Variants in FBXL7 observed in about 807,000 individuals in gnomAD.
The protein encoded by FBXL7 is F-box and leucine rich repeat protein 7, also known as F-box/LRR-repeat protein 7.
Under a neutral mutation model 38.3 loss-of-function variants are expected in FBXL7, and 12 were observed. That is an observed-to-expected ratio of 0.31 (90% CI 0.20 to 0.51). The LOEUF is 0.51. FBXL7 is among the 20% of genes least tolerant of loss of function. FBXL7 has a pLI of 0.98. For synonymous variants in FBXL7, 297 were observed against 300.9 expected (o/e 0.99, Z 0.13); for missense variants, 567 against 676.4 (o/e 0.84, Z 1.79).
intron 2 of FBXL7, among the ~76,000 whole-genome samples, chr5:15,639,389 A>T (rs1296012573): frequency 2.0e-5 from 3 of 152,188 alleles, no homozygotes; most frequent in Non-Finnish European, 4.4e-5. Context: ...GGTCTTTCCC[A>T]TGCTGTTCTT....
At chr5:15,869,540 T>C (rs561300354) in intron 2 of FBXL7, among the ~76,000 whole-genome samples, 1 of 152,286 alleles carries the variant, frequency 6.6e-6, no homozygotes, top group African/African-American at 2.4e-5. Context: ...ATATAGAATT[T>C]ACTAATTTGT....
At chr5:15,503,147 G>T (rs867257138) in intron 1 of FBXL7, among the ~76,000 whole-genome samples, 1 of 152,290 alleles carries the variant, frequency 6.6e-6, no homozygotes, top group African/African-American at 2.4e-5. Flanking sequence ...GAGGTCGGGC[G>T]CGGTGGCCCA....
At chr5:15,642,631 A>G (rs1174724857) in intron 2 of FBXL7, among the ~76,000 whole-genome samples, 1 of 152,224 alleles carries the variant, frequency 6.6e-6, no homozygotes, top group Non-Finnish European at 1.5e-5. Flanking sequence ...GGATTGCTCT[A>G]GACTCAGTGG....
At chr5:15,561,414 A>G (rs1037085608) in intron 1 of FBXL7, among the ~76,000 whole-genome samples, 1 of 152,110 alleles carries the variant, frequency 6.6e-6, no homozygotes, top group African/African-American at 2.4e-5. Context: ...TTAAGGCTGA[A>G]TCGTATTCCG....
intron 1 of FBXL7, among the ~76,000 whole-genome samples, chr5:15,585,438 C>G (rs2126473116): frequency 6.6e-6 from 1 of 152,294 alleles, no homozygotes; most frequent in African/African-American, 2.4e-5. Flanking sequence ...TAACACACCT[C>G]AAAGGTATTT....
chr5:15,535,476 A>G (rs1384350334), intron 1 of FBXL7, among the ~76,000 whole-genome samples: 2 of 152,210 alleles, frequency 1.3e-5, no homozygotes, highest in African/African-American at 4.8e-5. Context: ...GAGATGAGGA[A>G]CTTATTGTGA....
rs138917219 is a variant in FBXL7, at chr5:15,654,722, G to A, written c.127+38650G>A. ...CCTCCTGTAGCACTGAACTATGAGA[G>A]ATATTGTCCAACATTTTTGGTGGTT... On this transcript the variant is annotated intron_variant, in intron 2 of 3. Transcript: ENST00000504595. Among the ~76,000 whole-genome samples, 3 of 152,164 alleles carry A rather than the reference G, an allele frequency of 2.0e-5. No homozygotes were observed. In the East Asian group the frequency reaches 5.8e-4, roughly 29 times the overall value.
intron 2 of FBXL7, among the ~76,000 whole-genome samples, chr5:15,861,395 C>A (rs1219592888): frequency 6.6e-6 from 1 of 152,230 alleles, no homozygotes; most frequent in Non-Finnish European, 1.5e-5. Flanking sequence ...CTCTCTTGCT[C>A]AGCCACCTAT....
chr5:15,812,520 A>T (rs1019463794), intron 2 of FBXL7, among the ~76,000 whole-genome samples: 4 of 152,206 alleles, frequency 2.6e-5, no homozygotes, highest in East Asian at 1.9e-4. Context: ...AAAAAATTTT[A>T]AAAATTACTG....
At chr5:15,854,883 CA>C (rs749107781) in intron 2 of FBXL7, among the ~76,000 whole-genome samples, 71 of 151,408 alleles carry the variant, frequency 4.7e-4, no homozygotes, top group African/African-American at 1.6e-3. Flanking sequence ...TCAGTCAAAC[CA>C]AAAAAAACAG....
chr5:15,503,379 C>A (rs567918615), intron 1 of FBXL7, among the ~76,000 whole-genome samples: 255 of 152,270 alleles, frequency 1.7e-3, no homozygotes, highest in Non-Finnish European at 2.6e-3. Flanking sequence ...TGAGATCACG[C>A]AACTGCACTC....
At chr5:15,632,511 A>G (rs891854837) in intron 2 of FBXL7, among the ~76,000 whole-genome samples, 13 of 152,166 alleles carry the variant, frequency 8.5e-5, no homozygotes, top group Non-Finnish European at 1.8e-4. Flanking sequence ...CGACTCAGCA[A>G]TCCCATTACT....
chr5:15,562,896 A>G (rs903799096), intron 1 of FBXL7, among the ~76,000 whole-genome samples: 7 of 152,172 alleles, frequency 4.6e-5, no homozygotes, highest in African/African-American at 1.4e-4. Context: ...AATTATTACA[A>G]TATTCATACA....
At position 15,928,853 on chromosome 5, in the gene FBXL7, C is replaced by T. The variant is rs1303721681; in HGVS notation, c.739+352C>T. Reference sequence around the variant, plus strand: ...ACATTAGGTGTATCTCCACTTCTTACGGGAGTTCTTAGGGGAATTCTGGCA... The same window carrying T: ...ACATTAGGTGTATCTCCACTTCTTATGGGAGTTCTTAGGGGAATTCTGGCA... On this transcript the variant is annotated intron_variant, in intron 3 of 3. Transcript: ENST00000504595. The surrounding 1 kb of genome is among the most constrained non-coding windows in gnomAD (Gnocchi z 4.0). 2.6e-5 allele frequency among the ~76,000 whole-genome samples: 4 copies of T among 152,126 alleles called. 1 individual carries two copies. Among genetic ancestry groups the T allele is most frequent in the Non-Finnish European group, 5.9e-5 (4 of 68,024 alleles).
At chr5:15,703,653 A>G (rs796590941) in intron 2 of FBXL7, among the ~76,000 whole-genome samples, 4 of 152,316 alleles carry the variant, frequency 2.6e-5, no homozygotes, top group African/African-American at 4.8e-5. Flanking sequence ...GTGTCCTAGG[A>G]ATTTCATGAA....
chr5:15,536,232 C>A (rs573406039), intron 1 of FBXL7, among the ~76,000 whole-genome samples: 1 of 152,216 alleles, frequency 6.6e-6, no homozygotes, highest in Non-Finnish European at 1.5e-5. Flanking sequence ...TGGGGCAATG[C>A]GGAAGGGAAA....
intron 2 of FBXL7, among the ~76,000 whole-genome samples, chr5:15,644,080 C>A (rs188883483): frequency 9.9e-5 from 15 of 152,210 alleles, no homozygotes; most frequent in African/African-American, 2.6e-4. Flanking sequence ...GAATAGTTTG[C>A]TATTTATGCT....
chr5:15,581,896 T>G (rs1978633), intron 1 of FBXL7, among the ~76,000 whole-genome samples: 86,067 of 151,840 alleles, frequency 0.57, 25,673 homozygotes, highest in African/African-American at 0.75. Context: ...CTGGACATGG[T>G]CTTGCTCTGA....
intron 1 of FBXL7, among the ~76,000 whole-genome samples, chr5:15,593,118 G>A (rs1424196022): frequency 2.6e-5 from 4 of 152,198 alleles, no homozygotes; most frequent in African/African-American, 9.7e-5. Context: ...AAGCCAGTTA[G>A]CTTTACAGGG....
Sources: gnomAD v4.1 joint callset for allele counts (sites outside exome capture counted in the v4.1 genomes callset) on GRCh38, gnomAD v4.1.1 for gene constraint, Gnocchi (gnomAD v3.1) non-coding constraint, MANE v1.5 for transcripts, NCBI Gene and HGNC (gene_info 2026-07-23, HGNC 2026-07-21) for gene names.